PRUNE2: variants seen among roughly 807,000 people sequenced by gnomAD.
The protein encoded by PRUNE2 is prune homolog 2 with BCH domain, also known as protein prune homolog 2.
Under a neutral mutation model 252.0 loss-of-function variants are expected in PRUNE2, and 164 were observed. The ratio of observed to expected loss-of-function variants is 0.65; its 90% confidence interval spans 0.57 to 0.74. PRUNE2 has a LOEUF of 0.74. PRUNE2 is among the 30% of genes least tolerant of loss of function. The pLI, the probability that PRUNE2 is intolerant of heterozygous loss-of-function variation, is 0.00. For missense variants in PRUNE2, 3,495 were observed against 3,711.0 expected (o/e 0.94, Z 1.51); for synonymous variants, 1,292 against 1,350.2 (o/e 0.96, Z 0.94).
At chr9:76,855,172 C>G (rs2060188866) in intron 1 of PRUNE2, among the ~76,000 whole-genome samples, 1 of 149,176 alleles carries the variant, frequency 6.7e-6, no homozygotes, top group Non-Finnish European at 1.5e-5. Context: ...TTGAAAATTC[C>G]TTTGTGGAAG....
chr9:76,625,808 C>A (rs959582122), intron 16 of PRUNE2, among the ~76,000 whole-genome samples: 1 of 152,104 alleles, frequency 6.6e-6, no homozygotes, highest in Non-Finnish European at 1.5e-5. Flanking sequence ...CTTTTCACAA[C>A]CTTTTTAGTG....
chr9:76,856,963 A>C, intron 1 of PRUNE2: 1 of 413,210 alleles, frequency 2.4e-6, no homozygotes, highest in South Asian at 1.8e-5. Flanking sequence ...CATGTTGGCC[A>C]GGCTGGTCTC....
intron 11 of PRUNE2, among the ~76,000 whole-genome samples, chr9:76,647,746 C>G (rs1588118700): frequency 6.6e-6 from 1 of 152,106 alleles, no homozygotes; most frequent in African/African-American, 2.4e-5. Flanking sequence ...GGGTGGATCA[C>G]GAGGTCAGGA....
At chr9:76,862,254 A>C (rs891575588) in intron 1 of PRUNE2, 2 of 152,242 alleles carry the variant, frequency 1.3e-5, no homozygotes, top group Admixed American at 1.3e-4. Flanking sequence ...CCCCATCTCT[A>C]CTAAAAATAC....
intron 9 of PRUNE2, among the ~76,000 whole-genome samples, chr9:76,657,032 G>C (rs1035044210): frequency 1.3e-5 from 2 of 152,226 alleles, no homozygotes; most frequent in African/African-American, 4.8e-5. Context: ...AAAGATTGGG[G>C]AGGTATGCAA....
At chr9:76,825,302 C>G (rs1037376021) in intron 5 of PRUNE2, among the ~76,000 whole-genome samples, 1 of 152,192 alleles carries the variant, frequency 6.6e-6, no homozygotes, top group African/African-American at 2.4e-5. Flanking sequence ...TCACAAAATT[C>G]CTGAACATTT....
chr9:76,689,408 T>G (rs370226087), intron 9 of PRUNE2, among the ~76,000 whole-genome samples: 1 of 152,060 alleles, frequency 6.6e-6, no homozygotes, highest in Admixed American at 6.6e-5. Context: ...CAGGCTGGAG[T>G]GCAGTGGCAT....
At chr9:76,809,109 T>C (rs972342867) in intron 6 of PRUNE2, among the ~76,000 whole-genome samples, 1 of 152,140 alleles carries the variant, frequency 6.6e-6, no homozygotes, top group East Asian at 1.9e-4. Context: ...CTTCTGCATG[T>C]CCTTTACATT....
At chr9:76,737,318 A>C (rs1469605398) in intron 6 of PRUNE2, 1 of 152,224 alleles carries the variant, frequency 6.6e-6, no homozygotes, top group Non-Finnish European at 1.5e-5. Context: ...ATGAGCATTC[A>C]AACCAAGCTC....
chr9:76,749,758 G>GA (rs1303624508), intron 6 of PRUNE2, among the ~76,000 whole-genome samples: 2 of 152,198 alleles, frequency 1.3e-5, no homozygotes, highest in African/African-American at 4.8e-5. Flanking sequence ...TGCCAAGCAG[G>GA]AAAGTACCAC....
Position 76,708,033 on chromosome 9 carries a change from T to C in PRUNE2, c.4241A>G (p.Asp1414Gly). 1.2e-6 allele frequency: 2 copies of C among 1,614,014 alleles called. No individual in the cohort carries two copies. The highest frequency in any genetic ancestry group is 8.5e-7 in the Non-Finnish European group (1 of 1,179,894). ...ATCTGCGGACATCCCTGTTTGCACA[T>C]CACGGGAGTCTAGATTGTAAGACCC... ...EEGSYNLDSR[D>G]VQTGMSADNL... Residue 1414 changes from aspartate (D) to glycine (G), a missense_variant, in exon 8 of 19, where the codon GAT (aspartate) becomes GGT (glycine). Asp to Gly is a moderately conservative substitution (Grantham distance 94). Transcript: ENST00000376718.
rs1257594664 is a variant in PRUNE2, at chr9:76,705,674, A to G, written c.6600T>C (p.Ser2200=). The change falls in exon 8 of 19, where the codon AGT becomes AGC. Residue 2200 remains serine (S), a synonymous_variant. Coordinates refer to ENST00000376718, the MANE Select transcript of PRUNE2 (RefSeq NM_015225.3). ...CTTTTTCTGATACTTGTAAACCTGTACTGTTGTCACCGTTTATTTCAGAAG... is the reference window on the plus strand; with the variant it reads ...CTTTTTCTGATACTTGTAAACCTGTGCTGTTGTCACCGTTTATTTCAGAAG... ...PEPSEINGDN[S]TGLQVSEKGA... 6.2e-6 allele frequency: 10 copies of G among 1,614,000 alleles called. No homozygotes were observed. The highest frequency in any genetic ancestry group is 1.1e-5 in the South Asian group (1 of 91,084).
At chr9:76,725,753 T>C (rs2048053543) in intron 6 of PRUNE2, among the ~76,000 whole-genome samples, 1 of 152,222 alleles carries the variant, frequency 6.6e-6, no homozygotes. Flanking sequence ...CTAAGCTAAT[T>C]ACCAGAAACC....
chr9:76,738,941 T>C (rs984554590), intron 6 of PRUNE2: 1 of 152,202 alleles, frequency 6.6e-6, no homozygotes, highest in African/African-American at 2.4e-5. Flanking sequence ...CACATTAACC[T>C]TTCAAAGCCC....
At chr9:76,663,213 G>A (rs760123971) in intron 9 of PRUNE2, among the ~76,000 whole-genome samples, 2 of 152,308 alleles carry the variant, frequency 1.3e-5, no homozygotes, top group African/African-American at 2.4e-5. Context: ...CTGGGGTCAA[G>A]CCCATGAAAT....
intron 7 of PRUNE2, among the ~76,000 whole-genome samples, chr9:76,712,458 G>A (rs570651829): frequency 3.6e-5 from 4 of 111,030 alleles, no homozygotes; most frequent in African/African-American, 1.4e-4. Flanking sequence ...AGATTCCAGC[G>A]ATCCACCTCT....
At chr9:76,658,495 A>G (rs1850090499) in intron 9 of PRUNE2, among the ~76,000 whole-genome samples, 1 of 152,226 alleles carries the variant, frequency 6.6e-6, no homozygotes, top group Non-Finnish European at 1.5e-5. Flanking sequence ...AACCACATTC[A>G]TACATTAAGC....
At chr9:76,875,963 TG>T (rs1259961065) in intron 1 of PRUNE2, among the ~76,000 whole-genome samples, 11 of 152,210 alleles carry the variant, frequency 7.2e-5, no homozygotes, top group Non-Finnish European at 1.6e-4. Context: ...CAGGTAGATC[TG>T]GAGTGGGGCC....
At position 76,624,480 on chromosome 9, in the gene PRUNE2, C is replaced by A; in HGVS notation, c.9160G>T (p.Glu3054Ter). 1 of 1,434,582 alleles carries A rather than the reference C, an allele frequency of 7.0e-7. No homozygotes were observed. Among genetic ancestry groups the A allele is most frequent in the Admixed American group, 2.7e-5 (1 of 36,904 alleles). 88.9% of individuals were successfully genotyped at this position (1,434,582 alleles called of 1,614,324 possible). A position where few individuals can be genotyped will look rare whatever the true frequency, so the allele number is the denominator to read the frequency against. The change falls in exon 17 of 19, where the codon GAA becomes TAA. Residue 3054 changes from glutamate (E) to a stop codon, truncating the protein, a stop_gained. Transcript: ENST00000376718. LOFTEE classifies it high-confidence loss of function. ...GCTGCCTCTGATGCTTCCCTCAGTT[C>A]TTCATCCAGTCTGCAGGAGCAAAAA... ...IPESIIKLDE[E>*]LREASEAAKT...
Sources: gnomAD v4.1 joint callset for allele counts (sites outside exome capture counted in the v4.1 genomes callset) on GRCh38, gnomAD v4.1.1 for gene constraint, MANE v1.5 for transcripts, NCBI Gene and HGNC (gene_info 2026-07-23, HGNC 2026-07-21) for gene names.